Variants in MAN1C1 observed in about 807,000 individuals in gnomAD.
The protein encoded by MAN1C1 is mannosidase alpha class 1C member 1.
A neutral mutation model predicts 71.5 loss-of-function variants in MAN1C1; 49 were observed. The observed-to-expected ratio is 0.69, with a 90% confidence interval of 0.54 to 0.87. The LOEUF is 0.87. Among genes scored for constraint, MAN1C1 ranks in the 40% least tolerant of loss-of-function variants. MAN1C1 has a pLI of 0.00. For synonymous variants in MAN1C1, 352 were observed against 343.7 expected, an observed-to-expected ratio of 1.02 and a Z score of -0.27; for missense variants, 743 against 835.0, an observed-to-expected ratio of 0.89 and a Z score of 1.36.
rs1180195928 is a variant in MAN1C1 at position 25,778,100 on chromosome 1, C to T, written c.1258-5C>T. Reference sequence around the variant, plus strand: ...CTCCCTGCCCAATCCCCACCTTGCTCCCAGGCGATAGAGACCTACTTGCTG... The same window carrying T: ...CTCCCTGCCCAATCCCCACCTTGCTTCCAGGCGATAGAGACCTACTTGCTG... On this transcript the variant is annotated splice_region_variant and splice_polypyrimidine_tract_variant and intron_variant, in intron 8 of 11. Coordinates refer to ENST00000374332, the MANE Select transcript of MAN1C1 (RefSeq NM_020379.4). The surrounding 1 kb of genome is among the most constrained non-coding windows in gnomAD (Gnocchi z 5.5). 1 of 1,542,104 alleles carries T rather than the reference C, an allele frequency of 6.5e-7. No homozygotes were observed. The highest frequency in any genetic ancestry group is 2.3e-5 in the East Asian group (1 of 43,744).
intron 1 of MAN1C1, among the ~76,000 whole-genome samples, chr1:25,683,232 A>G (rs962871182): frequency 3.9e-5 from 6 of 152,028 alleles, no homozygotes; most frequent in African/African-American, 9.7e-5. Context: ...TCATAGTCCT[A>G]CCTGTCCATC....
intron 1 of MAN1C1, among the ~76,000 whole-genome samples, chr1:25,672,215 G>A (rs182931334): frequency 3.3e-5 from 5 of 152,332 alleles, no homozygotes; most frequent in Non-Finnish European, 5.9e-5. Context: ...AAGAGAGAGA[G>A]AGAGAGATAA....
chr1:25,759,003 C>CA (rs1444463451), intron 6 of MAN1C1: 1 of 331,906 alleles, frequency 3.0e-6, no homozygotes, highest in Non-Finnish European at 5.7e-6. Context: ...GGCAACCACC[C>CA]ATATGTGAAA....
At chr1:25,667,059 G>C (rs764121178) in intron 1 of MAN1C1, among the ~76,000 whole-genome samples, 3 of 152,226 alleles carry the variant, frequency 2.0e-5, no homozygotes, top group African/African-American at 4.8e-5. Flanking sequence ...TTAGAAGTCA[G>C]AGCAGCAGAC....
chr1:25,667,122 G>A (rs1364021474), intron 1 of MAN1C1, among the ~76,000 whole-genome samples: 3 of 152,152 alleles, frequency 2.0e-5, no homozygotes, highest in Admixed American at 1.3e-4. Context: ...ATGGGAGGGA[G>A]GTAGGAGGAG....
At chr1:25,706,369 A>G (rs1387918699) in intron 2 of MAN1C1, among the ~76,000 whole-genome samples, 1 of 152,116 alleles carries the variant, frequency 6.6e-6, no homozygotes, top group Non-Finnish European at 1.5e-5. Flanking sequence ...CCTGGGAGGT[A>G]CCTTCTAGGG....
chr1:25,690,438 G>C (rs560005761), intron 2 of MAN1C1, among the ~76,000 whole-genome samples: 1 of 152,110 alleles, frequency 6.6e-6, no homozygotes, highest in Non-Finnish European at 1.5e-5. Flanking sequence ...GATTAGAGGC[G>C]TGTGCCACCA....
chr1:25,716,640 C>T (rs1317022206), intron 2 of MAN1C1, among the ~76,000 whole-genome samples: 3 of 152,218 alleles, frequency 2.0e-5, no homozygotes. Flanking sequence ...AAAGACCAGG[C>T]TTACAGACTG....
rs2047241872 is a variant in MAN1C1 at position 25,753,356 on chromosome 1, G to A, written c.835-128G>A. 2 of 557,898 alleles carry A rather than the reference G, an allele frequency of 3.6e-6. No homozygotes were observed. Among genetic ancestry groups the A allele is most frequent in the Non-Finnish European group, 6.3e-6 (2 of 319,920 alleles). The allele number at this position is 557,898 out of a possible 1,614,324, so 34.6% of individuals were successfully genotyped here. ...CAGCAGTTGGAAGAACCGGGCTGGT[G>A]GACTGCAGCACTGCCCCCTACTCTA... On this transcript the variant is annotated intron_variant, in intron 4 of 11. Coordinates refer to ENST00000374332, the MANE Select transcript of MAN1C1 (RefSeq NM_020379.4). The surrounding 1 kb of genome is among the most constrained non-coding windows in gnomAD (Gnocchi z 4.9).
Position 25,780,934 on chromosome 1 carries a change from C to G in MAN1C1, c.1478-6C>G, listed in dbSNP as rs764624223. ...ACCTGGGCCCTCTGCTTGGCTGTTT[C>G]CCCAGACACCAAACTTGGGCCTGAG... On this transcript the variant is annotated splice_region_variant and splice_polypyrimidine_tract_variant and intron_variant, in intron 9 of 11. Transcript: ENST00000374332. 2.5e-6 allele frequency: 4 copies of G among 1,613,264 alleles called. No individual in the cohort carries two copies. Among genetic ancestry groups the G allele is most frequent in the Admixed American group, 3.3e-5 (2 of 59,992 alleles).
chr1:25,661,358 A>G (rs1284204180), intron 1 of MAN1C1, among the ~76,000 whole-genome samples: 1 of 152,274 alleles, frequency 6.6e-6, no homozygotes, highest in Non-Finnish European at 1.5e-5. Flanking sequence ...CACAGCAATG[A>G]ACAAGACAGA....
chr1:25,653,605 A>T (rs1441419466), intron 1 of MAN1C1, among the ~76,000 whole-genome samples: 1 of 152,180 alleles, frequency 6.6e-6, no homozygotes, highest in Non-Finnish European at 1.5e-5. Context: ...AGTAGGTATC[A>T]GTGTCCAGGG....
At chr1:25,697,889 G>T (rs1220472732) in intron 2 of MAN1C1, among the ~76,000 whole-genome samples, 1 of 152,178 alleles carries the variant, frequency 6.6e-6, no homozygotes, top group Non-Finnish European at 1.5e-5. Context: ...GCCAGTGCTT[G>T]CTATTGTCAG....
chr1:25,758,485 A>C (rs1383514865), intron 5 of MAN1C1, 107 bp from the exon 6 acceptor site: 1 of 906,562 alleles, frequency 1.1e-6, no homozygotes, highest in African/African-American at 1.6e-5. Flanking sequence ...TCCTGGTTCC[A>C]TGCCTGTCAC....
chr1:25,635,469 A>G, intron 1 of MAN1C1, among the ~76,000 whole-genome samples: 1 of 138,458 alleles, frequency 7.2e-6, no homozygotes. Context: ...TGTGTGTGTG[A>G]GACAGAGTCT....
At chr1:25,673,642 G>A (rs940662599) in intron 1 of MAN1C1, among the ~76,000 whole-genome samples, 1 of 152,174 alleles carries the variant, frequency 6.6e-6, no homozygotes, top group Non-Finnish European at 1.5e-5. Flanking sequence ...GCTGGGTAAA[G>A]CCAGGATCCA....
chr1:25,773,591 G>T (rs372490896), intron 8 of MAN1C1, among the ~76,000 whole-genome samples: 1 of 152,174 alleles, frequency 6.6e-6, no homozygotes, highest in Non-Finnish European at 1.5e-5. Context: ...GGTGGTGGCC[G>T]GAGTGTGCTG....
At chr1:25,759,070 A>C (rs2047327441) in intron 6 of MAN1C1, 1 of 238,390 alleles carries the variant, frequency 4.2e-6, no homozygotes, top group Non-Finnish European at 8.4e-6. Flanking sequence ...GGAATTGGCC[A>C]CCCACTGCAG....
Position 25,778,169 on chromosome 1 carries a change from G to C in MAN1C1, c.1322G>C (p.Gly441Ala). 4 of 1,610,360 alleles carry C rather than the reference G, an allele frequency of 2.5e-6. No individual in the cohort carries two copies. The highest frequency in any genetic ancestry group is 3.4e-6 in the Non-Finnish European group (4 of 1,177,768). The change falls in exon 9 of 12, where the codon GGG becomes GCG. Residue 441 changes from glycine (G) to alanine (A), a missense_variant. Coordinates refer to ENST00000374332, the MANE Select transcript of MAN1C1 (RefSeq NM_020379.4). This position sits in a 1 kb window ranked among gnomAD's most constrained non-coding sequence, Gnocchi z 5.5. ...GGLTYIAEWR[G>A]GILDHKMGHL... ...CTGACCTACATTGCCGAGTGGCGAG[G>C]GGGGATTCTGGACCACAAGATGGGG...
Sources: gnomAD v4.1 joint callset for allele counts (sites outside exome capture counted in the v4.1 genomes callset) on GRCh38, gnomAD v4.1.1 for gene constraint, Gnocchi (gnomAD v3.1) non-coding constraint, MANE v1.5 for transcripts, NCBI Gene and HGNC (gene_info 2026-07-23, HGNC 2026-07-21) for gene names.